Variants in ACACB observed in about 807,000 individuals in gnomAD.
ACACB encodes the protein acetyl-CoA carboxylase beta, also known as acetyl-CoA carboxylase 2.
ACACB carries 209 observed loss-of-function variants against 278.8 expected under a neutral mutation model. The ratio of observed to expected loss-of-function variants is 0.75; its 90% CI spans 0.67 to 0.84. The LOEUF is 0.84. ACACB is among the 40% of genes least tolerant of loss of function. The pLI is 0.00. For missense variants in ACACB, 2,850 were observed against 3,269.0 expected, an observed-to-expected ratio of 0.87 and a Z score of 3.13; for synonymous variants, 1,174 against 1,285.6, an observed-to-expected ratio of 0.91 and a Z score of 1.86.
At chr12:109,262,958 A>ATATATATG (rs2136853639) in intron 49 of ACACB, 1 of 107,422 alleles carries the variant, frequency 9.3e-6, no homozygotes, top group East Asian at 2.7e-4. Context: ...CATTATATAT[A>ATATATATG]TATATATATA....
At chr12:109,202,893 C>T (rs1359772555) in intron 19 of ACACB, among the ~76,000 whole-genome samples, 2 of 152,126 alleles carry the variant, frequency 1.3e-5, no homozygotes, top group Non-Finnish European at 2.9e-5. Flanking sequence ...CCATCTTAGC[C>T]ATTTTTAAAT....
rs1565904738 is a variant in ACACB, at chr12:109,191,665, A to T, written c.2197A>T (p.Thr733Ser). The T allele has an allele frequency of 3.7e-6, 6 of 1,614,180 alleles. No homozygotes were observed. Among genetic ancestry groups the T allele is most frequent in the Non-Finnish European group, 5.1e-6 (6 of 1,180,008 alleles). Residue 733 changes from threonine to serine, a missense_variant, in exon 14 of 53, where the codon ACC becomes TCC. Coordinates refer to ENST00000338432, the MANE Select transcript of ACACB (RefSeq NM_001093.4). ...ELSIRGDFRT[T>S]VEYLINLLET... ...GTCCATCCGAGGCGACTTTAGGACT[A>T]CCGTGGAATACCTCATTAACCTCCT...
intron 31 of ACACB, 32 bp downstream of exon 31, chr12:109,234,077 G>C: frequency 6.5e-7 from 1 of 1,540,952 alleles, no homozygotes; most frequent in African/African-American, 1.4e-5. Context: ...TTTTGGTGGG[G>C]GTTCTTGGAG....
chr12:109,209,004 C>A (rs1451853162), intron 20 of ACACB, among the ~76,000 whole-genome samples, 161 bp from the exon 21 acceptor site: 4 of 152,106 alleles, frequency 2.6e-5, no homozygotes, highest in Non-Finnish European at 4.4e-5. Flanking sequence ...GGTCAGGGGG[C>A]CATTCCACTC....
chr12:109,144,115 C>T (rs781281374), intron 2 of ACACB, among the ~76,000 whole-genome samples: 5 of 152,006 alleles, frequency 3.3e-5, no homozygotes, highest in Non-Finnish European at 7.4e-5. Flanking sequence ...GAGTTCAAGA[C>T]CAGCCTGGGC....
chr12:109,235,423 G>C, intron 32 of ACACB, 54 bp downstream of exon 32: 1 of 1,549,820 alleles, frequency 6.5e-7, no homozygotes, highest in South Asian at 1.1e-5. Flanking sequence ...GCCTTGGTGT[G>C]TGCCATTTAT....
chr12:109,201,725 G>T, intron 19 of ACACB, 24 bp downstream of exon 19: 1 of 1,611,922 alleles, frequency 6.2e-7, no homozygotes, highest in Non-Finnish European at 8.5e-7. Flanking sequence ...CGGCCCAAGT[G>T]CTCTGGCTGG....
In ACACB at chr12:109,234,011, T is replaced by C; in HGVS notation, c.4313T>C (p.Leu1438Pro). The change falls in exon 31 of 53, where the codon CTG becomes CCG. Residue 1438 changes from leucine to proline, a missense_variant. Leu to Pro is a moderately conservative substitution (Grantham distance 98). Coordinates refer to ENST00000338432, the MANE Select transcript of ACACB (RefSeq NM_001093.4). Reference sequence around the variant, plus strand: ...GCAGACCACCTGGAGGATGAGGCACTGGTGCCGATTTTACGGACATTCGTA... The same window carrying C: ...GCAGACCACCTGGAGGATGAGGCACCGGTGCCGATTTTACGGACATTCGTA... ...QCADHLEDEA[L>P]VPILRTFVQS... 6.2e-7 allele frequency: 1 copy of C among 1,613,958 alleles called. No individual in the cohort carries two copies. Among genetic ancestry groups the C allele is most frequent in the Non-Finnish European group, 8.5e-7 (1 of 1,179,940 alleles).
At chr12:109,158,938 G>C (rs553231069) in intron 2 of ACACB, among the ~76,000 whole-genome samples, 1 of 152,134 alleles carries the variant, frequency 6.6e-6, no homozygotes, top group East Asian at 1.9e-4. Flanking sequence ...TCACACCGCT[G>C]CACTCCAGCC....
At chr12:109,156,513 G>C (rs1206338211) in intron 2 of ACACB, among the ~76,000 whole-genome samples, 1 of 151,802 alleles carries the variant, frequency 6.6e-6, no homozygotes, top group Admixed American at 6.6e-5. Flanking sequence ...GGGCAACAGA[G>C]CAAGACCCTG....
intron 35 of ACACB, among the ~76,000 whole-genome samples, chr12:109,240,590 T>G (rs2046767767): frequency 6.8e-6 from 1 of 148,108 alleles, no homozygotes; most frequent in Non-Finnish European, 1.5e-5. Flanking sequence ...ATAAATGTAT[T>G]TTATTTTATT....
rs563264229 is a variant in ACACB at position 109,240,990 on chromosome 12, A to T, written c.4819-88A>T. 8.1e-5 allele frequency: 110 copies of T among 1,363,534 alleles called. 1 individual carries two copies. In the South Asian group the frequency reaches 1.3e-3, roughly 16 times the overall value. The allele number at this position is 1,363,534 out of a possible 1,614,324, so 84.5% of individuals were successfully genotyped here. On this transcript the variant is annotated intron_variant, in intron 35 of 52. Coordinates refer to ENST00000338432, the MANE Select transcript of ACACB (RefSeq NM_001093.4). ...TCCCAGGCGTTTTTGCAGTCAGTAT[A>T]TCTCATCCTCTTATTAGTATCAGTG...
chr12:109,246,672 C>T (rs1356747103), intron 39 of ACACB, among the ~76,000 whole-genome samples: 1 of 151,980 alleles, frequency 6.6e-6, no homozygotes. Flanking sequence ...GGCTCCTTAA[C>T]GGGGATAATG....
intron 2 of ACACB, among the ~76,000 whole-genome samples, chr12:109,142,920 T>A (rs1328725286): frequency 6.6e-6 from 1 of 152,198 alleles, no homozygotes; most frequent in Non-Finnish European, 1.5e-5. Context: ...GTGAATTTCC[T>A]GCCCTCGTGT....
At chr12:109,211,725 T>C (rs1393809690) in intron 21 of ACACB, among the ~76,000 whole-genome samples, 1 of 152,214 alleles carries the variant, frequency 6.6e-6, no homozygotes, top group Non-Finnish European at 1.5e-5. Context: ...GTGGTGATAG[T>C]TGCACAACTT....
chr12:109,112,302 A>T (rs969999525), upstream of ACACB, among the ~76,000 whole-genome samples: 4 of 148,060 alleles, frequency 2.7e-5, no homozygotes, highest in Non-Finnish European at 4.4e-5. Flanking sequence ...TATTCAATAT[A>T]TATGTGTATA....
chr12:109,259,953 G>A, intron 47 of ACACB: 1 of 681,242 alleles, frequency 1.5e-6, no homozygotes, highest in Non-Finnish European at 2.3e-6. Context: ...TGTAAAAGGG[G>A]GTTAAGAACA....
intron 42 of ACACB, chr12:109,252,518 T>A (rs969631882): frequency 5.5e-6 from 1 of 182,156 alleles, no homozygotes; most frequent in Non-Finnish European, 1.1e-5. Context: ...TAATTTATAG[T>A]GAATATGCAG....
intron 2 of ACACB, among the ~76,000 whole-genome samples, chr12:109,151,558 T>C (rs2043376074): frequency 6.6e-6 from 1 of 152,114 alleles, no homozygotes; most frequent in African/African-American, 2.4e-5. Context: ...GTTGAGGAAG[T>C]GGAGAGACGG....
Sources: allele counts gnomAD v4.1 joint callset (sites outside exome capture counted in the v4.1 genomes callset), GRCh38; gene constraint gnomAD v4.1.1; transcripts MANE v1.5; gene names NCBI Gene and HGNC (gene_info 2026-07-23, HGNC 2026-07-21).